SLC25A21: variants seen among roughly 807,000 people sequenced by gnomAD.
The protein encoded by SLC25A21 is mitochondrial 2-oxodicarboxylate carrier.
In SLC25A21, 47 loss-of-function variants were observed where a neutral mutation model predicts 43.8. That is an observed-to-expected ratio of 1.07 (90% CI 0.85 to 1.37). SLC25A21 has a LOEUF of 1.37. Ranked by LOEUF, SLC25A21 falls within the 40% of genes most tolerant of loss-of-function variation. SLC25A21 has a pLI of 0.00. For synonymous variants in SLC25A21, 131 were observed against 121.3 expected (o/e 1.08, Z -0.52); for missense variants, 352 against 350.2 (o/e 1.00, Z -0.04).
rs942290213 is a variant in SLC25A21, at chr14:36,901,714, T to C, written c.71-26710A>G. Among the ~76,000 whole-genome samples the C allele has an allele frequency of 6.6e-5, 10 of 152,292 alleles. 1 individual carries two copies. The South Asian group carries it at 2.1e-3, about 32-fold the overall frequency. ...CAGTACTTAAACTGAATCCATAATA[T>C]AGAATTCTGCTTTAAAACCTAATCA... is the stretch of plus-strand genomic sequence containing the variant. On this transcript the variant is annotated intron_variant, in intron 1 of 9. Coordinates refer to ENST00000331299, the MANE Select transcript of SLC25A21 (RefSeq NM_030631.4).
At chr14:36,882,079 A>G (rs1271170497) in intron 1 of SLC25A21, among the ~76,000 whole-genome samples, 1 of 152,170 alleles carries the variant, frequency 6.6e-6, no homozygotes, top group Non-Finnish European at 1.5e-5. Flanking sequence ...TGTATCACAT[A>G]TATCAAGAAT....
intron 6 of SLC25A21, among the ~76,000 whole-genome samples, chr14:36,716,513 T>A (rs1884142000): frequency 6.6e-6 from 1 of 152,176 alleles, no homozygotes; most frequent in African/African-American, 2.4e-5. Flanking sequence ...CACCATGTTG[T>A]AAACCTCAAA....
Position 37,099,747 on chromosome 14 carries a change from G to A in SLC25A21, c.70+72534C>T, listed in dbSNP as rs558570969. 8.5e-5 allele frequency among the ~76,000 whole-genome samples: 13 copies of A among 152,170 alleles called. No homozygotes were observed. The South Asian group carries it at 1.9e-3, about 22-fold the overall frequency. On this transcript the variant is annotated intron_variant, in intron 1 of 9. Transcript: ENST00000331299. ...AACTTTAAATGTATCTTTAACCTTCGCATTGAGTGAGGTAAGCATAATATT... is the reference window on the plus strand; with the variant it reads ...AACTTTAAATGTATCTTTAACCTTCACATTGAGTGAGGTAAGCATAATATT...
chr14:37,097,700 TG>T (rs1962727351), intron 1 of SLC25A21, among the ~76,000 whole-genome samples: 2 of 151,896 alleles, frequency 1.3e-5, no homozygotes, highest in African/African-American at 4.8e-5. Context: ...CTGGCCAACA[TG>T]GTGAAACCCC....
At chr14:36,844,271 T>G (rs191140175) in intron 2 of SLC25A21, among the ~76,000 whole-genome samples, 1 of 152,296 alleles carries the variant, frequency 6.6e-6, no homozygotes, top group Admixed American at 6.5e-5. Context: ...CCTACCTAAT[T>G]TACAGCTCCC....
intron 3 of SLC25A21, among the ~76,000 whole-genome samples, chr14:36,794,699 G>A (rs942750996): frequency 2.6e-5 from 4 of 151,632 alleles, no homozygotes; most frequent in Non-Finnish European, 5.9e-5. Flanking sequence ...AATCTGGGAG[G>A]CAGAGGTTGC....
intron 1 of SLC25A21, among the ~76,000 whole-genome samples, chr14:37,133,186 C>T (rs995060250): frequency 3.3e-5 from 5 of 151,516 alleles, no homozygotes; most frequent in Non-Finnish European, 5.9e-5. Context: ...TGCAAACACA[C>T]AAACACGAGA....
At chr14:36,861,838 C>G (rs1184902436) in intron 2 of SLC25A21, among the ~76,000 whole-genome samples, 1 of 152,084 alleles carries the variant, frequency 6.6e-6, no homozygotes, top group Non-Finnish European at 1.5e-5. Flanking sequence ...AATTCTCTCT[C>G]CAAAAACTTG....
chr14:37,009,413 G>A (rs140026335), intron 1 of SLC25A21, among the ~76,000 whole-genome samples: 3,245 of 152,172 alleles, frequency 0.021, 110 homozygotes, highest in African/African-American at 0.074. Flanking sequence ...TTGAACCTGG[G>A]AGGCGGAGGT....
intron 3 of SLC25A21, among the ~76,000 whole-genome samples, chr14:36,755,372 C>A (rs1885884018): frequency 6.6e-6 from 1 of 152,204 alleles, no homozygotes; most frequent in Non-Finnish European, 1.5e-5. Context: ...ATGAACCATA[C>A]ATGTATGCAC....
At chr14:36,870,312 T>C (rs909917119) in intron 2 of SLC25A21, among the ~76,000 whole-genome samples, 3 of 152,178 alleles carry the variant, frequency 2.0e-5, no homozygotes, top group African/African-American at 7.2e-5. Context: ...TCTTTCACAG[T>C]TCAGAAGTCC....
At chr14:37,139,742 C>T (rs1196181019) in intron 1 of SLC25A21, among the ~76,000 whole-genome samples, 1 of 152,174 alleles carries the variant, frequency 6.6e-6, no homozygotes, top group African/African-American at 2.4e-5. Context: ...GAAGGCAGTA[C>T]ATTCCCTTCA....
At chr14:36,769,439 T>A (rs895560362) in intron 3 of SLC25A21, among the ~76,000 whole-genome samples, 4 of 152,316 alleles carry the variant, frequency 2.6e-5, no homozygotes, top group African/African-American at 9.6e-5. Flanking sequence ...TGGTTCAGAA[T>A]TTAGAAAATT....
rs547127580 is a variant in SLC25A21, at chr14:36,804,551, C to CA, written c.203+9366dup. Among the ~76,000 whole-genome samples, 17 of 152,274 alleles carry CA rather than the reference C, an allele frequency of 1.1e-4. No individual in the cohort carries two copies. In the South Asian group the frequency reaches 3.3e-3, roughly 30 times the overall value. ...AGGTCATATACATGGACACGTTTCA[C>CA]AAACGATAAAGGACCAGAATGGTAA... On this transcript the variant is annotated intron_variant, in intron 3 of 9. Coordinates refer to ENST00000331299, the MANE Select transcript of SLC25A21 (RefSeq NM_030631.4).
At chr14:36,812,495 T>C (rs915448171) in intron 3 of SLC25A21, among the ~76,000 whole-genome samples, 2 of 150,086 alleles carry the variant, frequency 1.3e-5, no homozygotes, top group African/African-American at 4.9e-5. Context: ...ATATACTATA[T>C]ATTAAAATAT....
chr14:37,079,406 A>C (rs1962343637), intron 1 of SLC25A21, among the ~76,000 whole-genome samples: 1 of 152,164 alleles, frequency 6.6e-6, no homozygotes, highest in African/African-American at 2.4e-5. Flanking sequence ...CAAATCACTA[A>C]TCCAGGGATT....
chr14:36,838,108 C>A (rs1314022124), intron 2 of SLC25A21, among the ~76,000 whole-genome samples: 4 of 152,148 alleles, frequency 2.6e-5, no homozygotes, highest in African/African-American at 9.7e-5. Flanking sequence ...ATGAAGGGAA[C>A]TGAGTCAGAG....
At chr14:37,133,843 T>C (rs1233175276) in intron 1 of SLC25A21, among the ~76,000 whole-genome samples, 1 of 152,184 alleles carries the variant, frequency 6.6e-6, no homozygotes, top group African/African-American at 2.4e-5. Flanking sequence ...CTACTCACCC[T>C]TCAATACCCA....
intron 1 of SLC25A21, among the ~76,000 whole-genome samples, chr14:37,117,438 A>G (rs1020099031): frequency 1.3e-5 from 2 of 152,334 alleles, no homozygotes; most frequent in South Asian, 2.1e-4. Flanking sequence ...AAACAGGCAC[A>G]TCGTAAACAT....
Sources: allele counts gnomAD v4.1 joint callset (sites outside exome capture counted in the v4.1 genomes callset), GRCh38; gene constraint gnomAD v4.1.1; transcripts MANE v1.5; gene names NCBI Gene and HGNC (gene_info 2026-07-23, HGNC 2026-07-21).